CAMK1D: variants seen among roughly 807,000 people sequenced by gnomAD.
CAMK1D encodes the protein calcium/calmodulin-dependent protein kinase type 1D.
A neutral mutation model predicts 47.7 loss-of-function variants in CAMK1D; 9 were observed. That is an observed-to-expected ratio of 0.19 (90% confidence interval 0.11 to 0.33). The LOEUF (loss-of-function observed/expected upper bound fraction) is 0.33. Among genes scored for constraint, CAMK1D ranks in the 10% least tolerant of loss-of-function variants. The pLI is 1.00. For synonymous variants in CAMK1D, 184 were observed against 184.9 expected (o/e 0.99, Z 0.04); for missense variants, 291 against 488.7 (o/e 0.60, Z 3.81).
intron 2 of CAMK1D, among the ~76,000 whole-genome samples, chr10:12,655,956 T>TA (rs1390059977): frequency 1.3e-5 from 2 of 152,248 alleles, no homozygotes. Context: ...AATATGGACT[T>TA]AGAGTCAAAG....
chr10:12,791,047 C>T (rs926134372), intron 5 of CAMK1D, 111 bp from the exon 6 acceptor site: 10 of 859,928 alleles, frequency 1.2e-5, no homozygotes, highest in Non-Finnish European at 1.5e-5. Context: ...TGTCTCTCTA[C>T]TCAGTTTTTA....
At chr10:12,402,570 C>T (rs1839268459) in intron 1 of CAMK1D, among the ~76,000 whole-genome samples, 4 of 152,126 alleles carry the variant, frequency 2.6e-5, no homozygotes, top group Non-Finnish European at 4.4e-5. Flanking sequence ...ACATGATTAG[C>T]TTTTTTGTGT....
chr10:12,416,175 AT>A (rs993899689), intron 1 of CAMK1D, among the ~76,000 whole-genome samples: 38 of 151,502 alleles, frequency 2.5e-4, no homozygotes, highest in African/African-American at 6.3e-4. Flanking sequence ...TAGCATCTAC[AT>A]TTTTTTTAGG....
At chr10:12,501,219 T>G (rs1834693346) in intron 1 of CAMK1D, among the ~76,000 whole-genome samples, 1 of 152,248 alleles carries the variant, frequency 6.6e-6, no homozygotes, top group South Asian at 2.1e-4. Flanking sequence ...TCTTTTTCTT[T>G]TTCCTATAAA....
intron 2 of CAMK1D, among the ~76,000 whole-genome samples, chr10:12,572,317 T>C (rs545595184): frequency 1.3e-5 from 2 of 152,214 alleles, no homozygotes; most frequent in African/African-American, 2.4e-5. Flanking sequence ...TTAGAAGTGG[T>C]ACTTCCTCCT....
At chr10:12,622,726 C>T (rs928164257) in intron 2 of CAMK1D, among the ~76,000 whole-genome samples, 1 of 151,988 alleles carries the variant, frequency 6.6e-6, no homozygotes, top group African/African-American at 2.4e-5. Context: ...TGGAGCGGCC[C>T]GGGAGGCTTT....
At chr10:12,692,892 T>A (rs1202653895) in intron 3 of CAMK1D, among the ~76,000 whole-genome samples, 1 of 152,170 alleles carries the variant, frequency 6.6e-6, no homozygotes, top group Non-Finnish European at 1.5e-5. Context: ...GGGATCCTGT[T>A]TGAAGGAGCT....
At chr10:12,792,816 A>G (rs1053899046) in intron 6 of CAMK1D, among the ~76,000 whole-genome samples, 8 of 152,220 alleles carry the variant, frequency 5.3e-5, no homozygotes, top group African/African-American at 1.9e-4. Flanking sequence ...TAAAACTAAC[A>G]TATTGCACTT....
At chr10:12,541,964 C>T (rs906336759) in intron 1 of CAMK1D, among the ~76,000 whole-genome samples, 41 of 151,506 alleles carry the variant, frequency 2.7e-4, no homozygotes, top group African/African-American at 9.7e-4. Context: ...CAGCCTCAGC[C>T]ACCCAGCCCA....
At position 12,773,456 on chromosome 10, in the gene CAMK1D, A is replaced by G. The variant is rs537993547; in HGVS notation, c.565+3657A>G. ...TAGATTGCTTACAATACCTGATGCA[A>G]TGTAAATGCTGTGGAAATAGTTGTC... is the stretch of plus-strand genomic sequence containing the variant. On this transcript the variant is annotated intron_variant, in intron 5 of 10. Transcript: ENST00000619168. 1.7e-4 allele frequency among the ~76,000 whole-genome samples: 26 copies of G among 152,368 alleles called. No homozygotes were observed. The East Asian group carries it at 5.0e-3, about 29-fold the overall frequency.
intron 2 of CAMK1D, among the ~76,000 whole-genome samples, chr10:12,585,475 G>T (rs1837788902): frequency 6.6e-6 from 1 of 152,198 alleles, no homozygotes; most frequent in African/African-American, 2.4e-5. Flanking sequence ...TCACGCTGCT[G>T]ATAAAGATAT....
At chr10:12,396,022 C>T (rs1256534165) in intron 1 of CAMK1D, among the ~76,000 whole-genome samples, 11 of 151,798 alleles carry the variant, frequency 7.2e-5, no homozygotes, top group African/African-American at 1.5e-4. Flanking sequence ...TACAGGTGCC[C>T]GCCACCACAC....
chr10:12,554,336 G>T (rs1174577678), intron 2 of CAMK1D, among the ~76,000 whole-genome samples: 2 of 129,972 alleles, frequency 1.5e-5, no homozygotes, highest in African/African-American at 5.1e-5. Flanking sequence ...TTGTATTTTT[G>T]TAGAGATGAG....
At chr10:12,644,854 T>A (rs1278306745) in intron 2 of CAMK1D, among the ~76,000 whole-genome samples, 1 of 152,188 alleles carries the variant, frequency 6.6e-6, no homozygotes, top group Non-Finnish European at 1.5e-5. Flanking sequence ...GTTAAAAGGA[T>A]CTCTTCTTTA....
chr10:12,807,671 C>T (rs532464505), intron 6 of CAMK1D, among the ~76,000 whole-genome samples: 81 of 152,354 alleles, frequency 5.3e-4, no homozygotes, highest in African/African-American at 1.9e-3. Flanking sequence ...GTCCTGCATT[C>T]TTCACACAGT....
chr10:12,354,954 T>G (rs1467453728), intron 1 of CAMK1D, among the ~76,000 whole-genome samples: 1 of 151,756 alleles, frequency 6.6e-6, no homozygotes, highest in African/African-American at 2.4e-5. Context: ...TGATTCTCCT[T>G]CCTGAACCTC....
intron 4 of CAMK1D, among the ~76,000 whole-genome samples, chr10:12,767,242 C>G (rs749418483): frequency 1.1e-4 from 17 of 152,074 alleles, no homozygotes; most frequent in Non-Finnish European, 2.2e-4. Context: ...CAGTGGCGCA[C>G]TATCGGCTCA....
Position 12,799,435 on chromosome 10 carries a change from G to A in CAMK1D, c.641+8202G>A, listed in dbSNP as rs374780756. 1.2e-3 allele frequency among the ~76,000 whole-genome samples: 181 copies of A among 151,974 alleles called. 4 individuals carry two copies. The highest frequency in any genetic ancestry group is 4.2e-3 in the African/African-American group (174 of 41,426). On this transcript the variant is annotated intron_variant, in intron 6 of 10. Transcript: ENST00000619168. ...AGGGAAAGAGGGAGAAAAAGAAGGA[G>A]AGAAGGAAGGAAGCTAGGGAGGGAA...
chr10:12,468,365 A>T (rs1833652544), intron 1 of CAMK1D, among the ~76,000 whole-genome samples: 2 of 152,238 alleles, frequency 1.3e-5, no homozygotes, highest in African/African-American at 4.8e-5. Flanking sequence ...CCCGGCCTCA[A>T]ATATGGTTTT....
Sources: allele counts gnomAD v4.1 joint callset (sites outside exome capture counted in the v4.1 genomes callset), GRCh38; gene constraint gnomAD v4.1.1; transcripts MANE v1.5; gene names NCBI Gene and HGNC (gene_info 2026-07-23, HGNC 2026-07-21).